OAS3: variants seen among roughly 807,000 people sequenced by gnomAD.
The protein encoded by OAS3 is 2'-5'-oligoadenylate synthase 3.
In OAS3, 107 loss-of-function variants were observed where a neutral mutation model predicts 113.0. The observed-to-expected ratio is 0.95, with a 90% CI of 0.81 to 1.11. OAS3 has a LOEUF of 1.11. OAS3 is among the 50% of genes most tolerant of loss of function. The pLI, the probability that OAS3 is intolerant of heterozygous loss-of-function variation, is 0.00. For missense variants in OAS3, 1,258 were observed against 1,389.1 expected (o/e 0.91, Z 1.50); for synonymous variants, 552 against 573.6 (o/e 0.96, Z 0.54).
chr12:112,949,436 T>G (rs1209100781), intron 6 of OAS3, among the ~76,000 whole-genome samples: 1 of 152,068 alleles, frequency 6.6e-6, no homozygotes. Context: ...CCTCCTCAGC[T>G]CAAAATTCTC....
chr12:112,963,237 C>A lies in OAS3; in HGVS notation c.2085-76C>A. ...TGACACTCTTTCCAGCCCTCACGCC[C>A]CTTTTCAGCCCTTCCACCCGCCTCC... is the stretch of plus-strand genomic sequence containing the variant. On this transcript the variant is annotated intron_variant, in intron 9 of 15. Transcript: ENST00000228928. This position sits in a 1 kb window ranked among gnomAD's most constrained non-coding sequence, Gnocchi z 4.6. 1 of 1,449,748 alleles carries A rather than the reference C, an allele frequency of 6.9e-7. No individual in the cohort carries two copies. Among genetic ancestry groups the A allele is most frequent in the Non-Finnish European group, 9.2e-7 (1 of 1,085,872 alleles). The allele number at this position is 1,449,748 out of a possible 1,614,324, so 89.8% of individuals were successfully genotyped here. A position where few individuals can be genotyped will look rare whatever the true frequency, so the allele number is the denominator to read the frequency against.
chr12:112,965,463 C>T (rs1439503982), intron 11 of OAS3, among the ~76,000 whole-genome samples: 3 of 152,110 alleles, frequency 2.0e-5, no homozygotes, highest in African/African-American at 7.2e-5. Context: ...GCTGCAGGCC[C>T]AAAAAACCAA....
rs267603314 is a variant in OAS3, at chr12:112,949,022, C to T, written c.1191C>T (p.Ile397=). The T allele has an allele frequency of 1.4e-5, 23 of 1,613,938 alleles. No individual in the cohort carries two copies. Among genetic ancestry groups the T allele is most frequent in the Non-Finnish European group, 1.9e-5 (22 of 1,179,912 alleles). Residue 397 remains isoleucine (I), a synonymous_variant, in exon 6 of 16, where the codon ATC becomes ATT. Transcript: ENST00000228928. Reference sequence around the variant, plus strand: ...CTGGCCCCACTGGGGCAGCCAGCATCGTCCCCTCTGTGCCGGGAATGGCCT... The same window carrying T: ...CTGGCCCCACTGGGGCAGCCAGCATTGTCCCCTCTGTGCCGGGAATGGCCT... ...PAPGPTGAAS[I]VPSVPGMALD...
At position 112,972,452 on chromosome 12, in the gene OAS3, G is replaced by T. The variant is rs1195998644; in HGVS notation, c.*2479G>T. ...TAAAGATGTCAGTTCTCCCTGAGTT[G>T]ATTGATAGGCTTAATGGTCACCCTA... On this transcript the variant is annotated 3_prime_UTR_variant, in exon 16 of 16. Transcript: ENST00000228928. The T allele has an allele frequency of 1.3e-5, 2 of 152,220 alleles. No homozygotes were observed. Among genetic ancestry groups the T allele is most frequent in the Non-Finnish European group, 2.9e-5 (2 of 68,054 alleles). The allele number at this position is 152,220 out of a possible 1,614,324, so 9.4% of individuals were successfully genotyped here. A position where few individuals can be genotyped will look rare whatever the true frequency, so the allele number is the denominator to read the frequency against.
rs781561627 is a variant in OAS3 at position 112,961,147 on chromosome 12, G to A, written c.1734G>A (p.Glu578=). 6.8e-6 allele frequency: 11 copies of A among 1,613,350 alleles called. No homozygotes were observed. The highest frequency in any genetic ancestry group is 9.3e-6 in the Non-Finnish European group (11 of 1,179,890). The part of the protein sequence containing the change: ...RLLTSGCQEG[E]HKACFAELRR... ...TCACCAGTGGCTGCCAGGAGGGCGA[G>A]CATAAGGCCTGCTTCGCAGAGCTGC... The change falls in exon 8 of 16, where the codon GAG becomes GAA. Residue 578 remains glutamate, a synonymous_variant. Coordinates refer to ENST00000228928, the MANE Select transcript of OAS3 (RefSeq NM_006187.4).
chr12:112,938,843 T>C (rs946639260), intron 1 of OAS3, 136 bp downstream of exon 1: 6 of 742,854 alleles, frequency 8.1e-6, no homozygotes, highest in African/African-American at 1.9e-5. Context: ...ATACTTCCAA[T>C]GTGCCAGCCC....
chr12:112,939,401 C>A (rs1383336143), intron 1 of OAS3, among the ~76,000 whole-genome samples: 3 of 150,274 alleles, frequency 2.0e-5, no homozygotes, highest in African/African-American at 7.3e-5. Context: ...CTCACAGCAA[C>A]CTCCGCCTCC....
In OAS3 at chr12:112,946,963, G is replaced by T. The variant is rs550465943; in HGVS notation, c.857G>T (p.Arg286Leu). 1.9e-6 allele frequency: 3 copies of T among 1,613,916 alleles called. No homozygotes were observed. Among genetic ancestry groups the T allele is most frequent in the Non-Finnish European group, 2.5e-6 (3 of 1,179,858 alleles). ...CCTGCAGTTGGGCAGTTCTTGCAGCGGCAGCTTAAGAGACCCAGGTACTTC... is the reference window on the plus strand; with the variant it reads ...CCTGCAGTTGGGCAGTTCTTGCAGCTGCAGCTTAAGAGACCCAGGTACTTC... ...EDPAVGQFLQ[R>L]QLKRPRPVIL... is the part of the protein sequence containing the mutation. Residue 286 changes from arginine (R) to leucine (L), a missense_variant, in exon 4 of 16, where the codon CGG (arginine) becomes CTG (leucine). Coordinates refer to ENST00000228928, the MANE Select transcript of OAS3 (RefSeq NM_006187.4).
At chr12:112,943,975 G>A (rs1052764693) in intron 2 of OAS3, among the ~76,000 whole-genome samples, 1 of 152,216 alleles carries the variant, frequency 6.6e-6, no homozygotes, top group African/African-American at 2.4e-5. Flanking sequence ...TTACAGGTGT[G>A]AGCCACAGCG....
rs45585037 is a variant in OAS3 at position 112,944,550 on chromosome 12, G to C, written c.535G>C (p.Glu179Gln). ...CCTCAACAGTGGCTGCCAAGGGGGCGAGCATGCGGCCTGCTTCACAGAGCT... is the reference window on the plus strand; with the variant it reads ...CCTCAACAGTGGCTGCCAAGGGGGCCAGCATGCGGCCTGCTTCACAGAGCT... ...TLLNSGCQGG[E>Q]HAACFTELRR... The change falls in exon 3 of 16, where the codon GAG becomes CAG. Residue 179 changes from glutamate to glutamine, a missense_variant. Coordinates refer to ENST00000228928, the MANE Select transcript of OAS3 (RefSeq NM_006187.4). The C allele has an allele frequency of 1.6e-3, 2,519 of 1,614,056 alleles. 7 individuals carry two copies. Among genetic ancestry groups the C allele is most frequent in the Non-Finnish European group, 1.8e-3 (2,164 of 1,179,890 alleles).
At chr12:112,941,210 G>A (rs949095504) in intron 1 of OAS3, among the ~76,000 whole-genome samples, 4 of 150,828 alleles carry the variant, frequency 2.7e-5, no homozygotes, top group African/African-American at 9.8e-5. Context: ...TTAAAAAAAT[G>A]TAAAAACTAG....
Position 112,950,918 on chromosome 12 carries a change from TCCA to T in OAS3, c.1602_1604del (p.Thr535del). On this transcript the variant is annotated inframe_deletion, in exon 7 of 16. Coordinates refer to ENST00000228928, the MANE Select transcript of OAS3 (RefSeq NM_006187.4). ...TGAGGCTCTGCAGTTCCAGCTGGTG[TCCA>T]CAGCCCTGAAGAGCTGGACGGATGT... The T allele has an allele frequency of 1.2e-6, 2 of 1,614,006 alleles. No homozygotes were observed. The highest frequency in any genetic ancestry group is 1.7e-6 in the Non-Finnish European group (2 of 1,179,888).
chr12:112,959,932 C>G (rs1406082685), intron 7 of OAS3, among the ~76,000 whole-genome samples: 6 of 152,086 alleles, frequency 3.9e-5, no homozygotes, highest in Non-Finnish European at 7.4e-5. Context: ...TCAATAATTT[C>G]CAACATGCTT....
chr12:112,950,167 A>G (rs575533823), intron 6 of OAS3, among the ~76,000 whole-genome samples: 45 of 152,306 alleles, frequency 3.0e-4, no homozygotes, highest in African/African-American at 9.9e-4. Flanking sequence ...GTTCCAGAAG[A>G]ACAGAAATTT....
At chr12:112,969,315 T>C in intron 14 of OAS3, 1 of 427,256 alleles carries the variant, frequency 2.3e-6, no homozygotes, top group Non-Finnish European at 4.3e-6. Context: ...GAGGGGAGAG[T>C]TGTGGAACCA....
intron 3 of OAS3, chr12:112,945,278 C>CTCCA: frequency 6.9e-6 from 1 of 145,032 alleles, no homozygotes; most frequent in East Asian, 2.0e-4. Flanking sequence ...CACCACTGCA[C>CTCCA]TCCAGCCTGG....
intron 14 of OAS3, among the ~76,000 whole-genome samples, chr12:112,969,143 G>C (rs1012687072): frequency 1.3e-5 from 2 of 152,138 alleles, no homozygotes; most frequent in African/African-American, 4.8e-5. Context: ...CAAAAAATAT[G>C]CTCAAGGAAA....
chr12:112,950,792 C>T lies in OAS3; in HGVS notation c.1474C>T (p.Arg492Cys), dbSNP rs368010209. Residue 492 changes from arginine to cysteine, a missense_variant, in exon 7 of 16, where the codon CGC becomes TGC. By Grantham distance (180) the Arg-to-Cys change is radical. Transcript: ENST00000228928. ...CFTDYKDQGP[R>C]RAEILDEMRA... ...CACGGACTACAAGGACCAGGGGCCC[C>T]GCCGCGCAGAGATCCTTGATGAGAT... 12 of 1,613,906 alleles carry T rather than the reference C, an allele frequency of 7.4e-6. No homozygotes were observed. The highest frequency in any genetic ancestry group is 5.3e-5 in the African/African-American group (4 of 74,928).
In OAS3 at chr12:112,941,142, C is replaced by T. The variant is rs1016095029; in HGVS notation, c.178-428C>T. Among the ~76,000 whole-genome samples the T allele has an allele frequency of 6.6e-5, 10 of 151,580 alleles. No individual in the cohort carries two copies. The South Asian group carries it at 8.4e-4, about 13-fold the overall frequency. ...ATTCCAAGCTGCAGTGAGCTACAAT[C>T]GTGTCTGTGAATAGCCACTGCACTC... On this transcript the variant is annotated intron_variant, in intron 1 of 15. Coordinates refer to ENST00000228928, the MANE Select transcript of OAS3 (RefSeq NM_006187.4).
Sources: gnomAD v4.1 joint callset for allele counts (sites outside exome capture counted in the v4.1 genomes callset) on GRCh38, gnomAD v4.1.1 for gene constraint, Gnocchi (gnomAD v3.1) non-coding constraint, MANE v1.5 for transcripts, NCBI Gene and HGNC (gene_info 2026-07-23, HGNC 2026-07-21) for gene names.